The following RUNX1 variants were observed in gnomAD, a reference collection of about 807,000 sequenced individuals.
RUNX1 encodes the protein RUNX family transcription factor 1.
Under a neutral mutation model 42.8 loss-of-function variants are expected in RUNX1, and 19 were observed. That is an observed-to-expected ratio of 0.44 (90% CI 0.31 to 0.65). The LOEUF (loss-of-function observed/expected upper bound fraction) is 0.65, where lower values mean the gene tolerates loss of function less well. RUNX1 is among the 30% of genes least tolerant of loss of function. RUNX1 has a pLI of 0.07. For missense variants in RUNX1, 528 were observed against 672.0 expected, an observed-to-expected ratio of 0.79 and a Z score of 2.37; for synonymous variants, 271 against 289.4, an observed-to-expected ratio of 0.94 and a Z score of 0.64.
At chr21:34,965,510 GA>G (rs11320116) in intron 2 of RUNX1, among the ~76,000 whole-genome samples, 67,151 of 151,094 alleles carry the variant, frequency 0.44, 15,430 homozygotes, top group Admixed American at 0.53. Flanking sequence ...TGAAACAAAA[GA>G]AAAAAACACG....
At chr21:34,970,691 T>A (rs535330001) in intron 2 of RUNX1, among the ~76,000 whole-genome samples, 2 of 152,226 alleles carry the variant, frequency 1.3e-5, no homozygotes, top group Non-Finnish European at 2.9e-5. Context: ...ACTCATTTAA[T>A]CCCCACACTA....
chr21:34,795,118 T>C (rs1246865789), intron 8 of RUNX1, among the ~76,000 whole-genome samples: 2 of 152,190 alleles, frequency 1.3e-5, no homozygotes, highest in Non-Finnish European at 2.9e-5. Flanking sequence ...TGTGAAGTTC[T>C]CAGATCAACA....
intron 2 of RUNX1, among the ~76,000 whole-genome samples, chr21:34,948,578 T>C (rs576067793): frequency 1.3e-5 from 2 of 152,050 alleles, no homozygotes; most frequent in Non-Finnish European, 2.9e-5. Context: ...GAGAATGAGG[T>C]GGTATCATTT....
intron 2 of RUNX1, among the ~76,000 whole-genome samples, chr21:35,034,977 G>T (rs1383911123): frequency 1.3e-5 from 2 of 152,194 alleles, no homozygotes; most frequent in Non-Finnish European, 2.9e-5. Context: ...TTGCTGCCAG[G>T]AGTGAACAGA....
At chr21:34,795,272 G>C (rs1253694172) in intron 8 of RUNX1, among the ~76,000 whole-genome samples, 2 of 152,216 alleles carry the variant, frequency 1.3e-5, no homozygotes, top group African/African-American at 4.8e-5. Flanking sequence ...GGCAGCGGCA[G>C]TTGATCAACT....
At chr21:35,001,348 T>C (rs967910133) in intron 2 of RUNX1, among the ~76,000 whole-genome samples, 35 of 149,840 alleles carry the variant, frequency 2.3e-4, no homozygotes, top group African/African-American at 7.6e-4. Flanking sequence ...ATATATAACA[T>C]ACAGTTTGAC....
chr21:34,984,496 G>A (rs908522586), intron 2 of RUNX1, among the ~76,000 whole-genome samples: 2 of 152,118 alleles, frequency 1.3e-5, no homozygotes, highest in African/African-American at 4.8e-5. Context: ...ACGGCTCTTT[G>A]GTGCGCTGTG....
At chr21:34,857,321 C>T (rs141063985) in intron 6 of RUNX1, among the ~76,000 whole-genome samples, 19 of 152,332 alleles carry the variant, frequency 1.2e-4, no homozygotes, top group African/African-American at 3.8e-4. Context: ...ACTGTATATA[C>T]AGCCAGACCG....
chr21:34,799,083 A>G (rs956968044), intron 8 of RUNX1, among the ~76,000 whole-genome samples: 2 of 152,206 alleles, frequency 1.3e-5, no homozygotes, highest in African/African-American at 2.4e-5. Context: ...TGTCTAAGGA[A>G]CCTACTTCTC....
intron 2 of RUNX1, among the ~76,000 whole-genome samples, chr21:35,046,481 T>TGGGG (rs2059397006): frequency 6.6e-6 from 1 of 152,178 alleles, no homozygotes; most frequent in South Asian, 2.1e-4. Flanking sequence ...CTGTAAATTA[T>TGGGG]AGGCAGCCAG....
At position 35,038,926 on chromosome 21, in the gene RUNX1, T is replaced by C. The variant is rs577300812; in HGVS notation, c.58+9916A>G. 170 of 349,918 alleles carry C rather than the reference T, an allele frequency of 4.9e-4. 2 individuals are homozygous for C. The highest frequency in any genetic ancestry group is 3.4e-3 in the South Asian group (162 of 47,014). 21.7% of individuals were successfully genotyped at this position (349,918 alleles called of 1,614,324 possible). ...CCCTCATCAAAACCAACCTGGTTAATTGTAACATTGCCTAAGGAGCCAGGT... is the reference window on the plus strand; with the variant it reads ...CCCTCATCAAAACCAACCTGGTTAACTGTAACATTGCCTAAGGAGCCAGGT... On this transcript the variant is annotated intron_variant, in intron 2 of 8. Transcript: ENST00000675419.
rs186827595 is a variant in RUNX1 at position 34,796,629 on chromosome 21, C to T, written c.967+2672G>A. On this transcript the variant is annotated intron_variant, in intron 8 of 8. Transcript: ENST00000675419. ...TATTTGCCATGACAGCTCAAGTCTTCGCTCTCCAGCTTGACATGGATGAAA... is the reference window on the plus strand; with the variant it reads ...TATTTGCCATGACAGCTCAAGTCTTTGCTCTCCAGCTTGACATGGATGAAA... Among the ~76,000 whole-genome samples the T allele has an allele frequency of 3.9e-5, 6 of 152,326 alleles. No homozygotes were observed. In the South Asian group the frequency reaches 8.3e-4, roughly 21 times the overall value.
At chr21:34,803,557 AAAT>A (rs1300246015) in intron 7 of RUNX1, among the ~76,000 whole-genome samples, 3 of 151,014 alleles carry the variant, frequency 2.0e-5, no homozygotes, top group East Asian at 3.9e-4. Flanking sequence ...AGAAAAAAAA[AAAT>A]AATAATAAAT....
At chr21:34,963,567 GAGA>G (rs1428444233) in intron 2 of RUNX1, among the ~76,000 whole-genome samples, 1 of 152,182 alleles carries the variant, frequency 6.6e-6, no homozygotes, top group Non-Finnish European at 1.5e-5. Context: ...GCAACCATGG[GAGA>G]AGGAGAAGAA....
At chr21:34,887,804 G>A (rs2058020689) in intron 3 of RUNX1, 11 of 1,063,848 alleles carry the variant, frequency 1.0e-5, no homozygotes, top group Non-Finnish European at 1.1e-5. Context: ...ATTTTTTTAA[G>A]TAGCCTTGAA....
chr21:35,006,788 C>T (rs992561982), intron 2 of RUNX1, among the ~76,000 whole-genome samples: 1 of 152,170 alleles, frequency 6.6e-6, no homozygotes, highest in Non-Finnish European at 1.5e-5. Context: ...TGGGTGAAGG[C>T]TGAGCCTGAA....
intron 7 of RUNX1, among the ~76,000 whole-genome samples, chr21:34,809,070 T>C (rs945986280): frequency 2.8e-4 from 42 of 152,174 alleles, no homozygotes; most frequent in African/African-American, 1.0e-3. Context: ...ATCTTTTCCA[T>C]AAGGATCTTC....
intron 2 of RUNX1, among the ~76,000 whole-genome samples, chr21:34,954,110 A>G (rs1398631666): frequency 6.6e-6 from 1 of 152,206 alleles, no homozygotes; most frequent in African/African-American, 2.4e-5. Flanking sequence ...GTCACTTGAG[A>G]TATTATCTAC....
At chr21:34,908,819 A>G (rs759149506) in intron 2 of RUNX1, among the ~76,000 whole-genome samples, 11 of 152,194 alleles carry the variant, frequency 7.2e-5, no homozygotes, top group Non-Finnish European at 1.5e-4. Context: ...CTTCTTTTGC[A>G]TATACATAGA....
Sources: allele counts gnomAD v4.1 joint callset (sites outside exome capture counted in the v4.1 genomes callset), GRCh38; gene constraint gnomAD v4.1.1; transcripts MANE v1.5; gene names NCBI Gene and HGNC (gene_info 2026-07-23, HGNC 2026-07-21).